The following ZNF723 variants were observed in gnomAD, a reference collection of about 807,000 sequenced individuals.
ZNF723 encodes zinc finger protein 723.
Under a neutral mutation model 9.4 loss-of-function variants are expected in ZNF723, and 5 were observed. The observed-to-expected ratio is 0.53, with a 90% CI of 0.28 to 1.12. The LOEUF (loss-of-function observed/expected upper bound fraction) is 1.12, where lower values mean the gene tolerates loss of function less well. ZNF723 is among the 50% of genes most tolerant of loss of function. The pLI is 0.10. For missense variants in ZNF723, 450 were observed against 501.5 expected (o/e 0.90, Z 0.98); for synonymous variants, 158 against 168.8 (o/e 0.94, Z 0.49).
At position 22,857,179 on chromosome 19, in the gene ZNF723, A is replaced by G; in HGVS notation, c.288A>G (p.Gln96=). The G allele has an allele frequency of 1.0e-6, 1 of 982,046 alleles. No homozygotes were observed. The highest frequency in any genetic ancestry group is 1.6e-6 in the Non-Finnish European group (1 of 642,784). The allele number at this position is 982,046 out of a possible 1,614,324, so 60.8% of individuals were successfully genotyped here. ...AGCAGGGCATAAAAGATTCTTTCCA[A>G]AAAGTAATACTGAGAAGCTATGGAA... is the stretch of plus-strand genomic sequence containing the variant. ...WPEQGIKDSF[Q]KVILRSYGKY... Residue 96 remains glutamine, a synonymous_variant, in exon 4 of 4, where the codon CAA becomes CAG. Transcript: ENST00000600766.
the ZNF723 span, among the ~76,000 whole-genome samples, chr19:22,819,058 C>T: frequency 2.2e-4 from 34 of 152,284 alleles, no homozygotes; most frequent in Admixed American, 7.9e-4. Flanking sequence ...TATGATTCTT[C>T]TTTCTAGGTC....
intron 1 of ZNF723, among the ~76,000 whole-genome samples, chr19:22,832,738 C>T (rs892218013): frequency 2.0e-5 from 3 of 152,116 alleles, no homozygotes; most frequent in African/African-American, 7.2e-5. Context: ...AGCTTTGGTC[C>T]GTGGGGTTCC....
At chr19:22,818,611 GACTGTT>G in the ZNF723 span, among the ~76,000 whole-genome samples, 1 of 152,186 alleles carries the variant, frequency 6.6e-6, no homozygotes, top group East Asian at 1.9e-4. Flanking sequence ...ACATTTGGGA[GACTGTT>G]AGTCATATCT....
the ZNF723 span, among the ~76,000 whole-genome samples, chr19:22,816,360 G>T: frequency 6.6e-6 from 1 of 152,298 alleles, no homozygotes; most frequent in South Asian, 2.1e-4. Flanking sequence ...CAGATGGGTT[G>T]GTGACTCTCA....
At chr19:22,817,259 G>A in the ZNF723 span, among the ~76,000 whole-genome samples, 28,214 of 152,082 alleles carry the variant, frequency 0.19, 3,244 homozygotes, top group African/African-American at 0.32. Context: ...CACTGGACCC[G>A]GCACCTAAGT....
rs944664442 is a variant in ZNF723 at position 22,858,568 on chromosome 19, G to C, written c.*135G>C. The C allele has an allele frequency of 3.7e-6, 2 of 536,030 alleles. No homozygotes were observed. Among genetic ancestry groups the C allele is most frequent in the Admixed American group, 6.9e-5 (2 of 29,166 alleles). 33.2% of individuals were successfully genotyped at this position (536,030 alleles called of 1,614,324 possible). A position where few individuals can be genotyped will look rare whatever the true frequency, so the allele number is the denominator to read the frequency against. ...AGATCACCTGAGGTCAGGAGTTCGA[G>C]ACCAACCTAACATGGTGAAACAACG... On this transcript the variant is annotated 3_prime_UTR_variant, in exon 4 of 4. Coordinates refer to ENST00000600766, the MANE Select transcript of ZNF723 (RefSeq NM_001349726.2).
chr19:22,858,398 C>A lies in ZNF723; in HGVS notation c.1507C>A (p.His503Asn). 1.3e-6 allele frequency: 1 copy of A among 764,876 alleles called. No individual in the cohort carries two copies. The highest frequency in any genetic ancestry group is 1.7e-5 in the South Asian group (1 of 57,278). The allele number at this position is 764,876 out of a possible 1,614,324, so 47.4% of individuals were successfully genotyped here. Residue 503 changes from histidine (H) to asparagine (N), a missense_variant, in exon 4 of 4, where the codon CAT (histidine) becomes AAT (asparagine). Around this residue, in one of 5 missense-constraint regions of ZNF723, gnomAD observed 43 missense variants for 22.2 expected, o/e 1.94. Transcript: ENST00000600766. The part of the protein sequence containing the change: ...SSILNRHKII[H>N]TKEKSQTLKM ...AATTCTTAACAGACATAAGATAATT[C>A]ATACTAAAGAGAAATCACAAACCTT...
At chr19:22,814,300 C>G in the ZNF723 span, among the ~76,000 whole-genome samples, 1 of 152,160 alleles carries the variant, frequency 6.6e-6, no homozygotes, top group Non-Finnish European at 1.5e-5. Context: ...TAGGATAGTA[C>G]AAAGAGTGAC....
At chr19:22,856,458 ATTGTC>A (rs1174830045) in intron 3 of ZNF723, among the ~76,000 whole-genome samples, 1 of 152,198 alleles carries the variant, frequency 6.6e-6, no homozygotes, top group East Asian at 1.9e-4. Context: ...TCTGAAAACA[ATTGTC>A]TTGGTTAGAG....
intron 1 of ZNF723, chr19:22,840,655 C>T (rs1460664178): frequency 6.6e-6 from 1 of 152,066 alleles, no homozygotes; most frequent in African/African-American, 2.4e-5. Context: ...TAATCTTGCT[C>T]AGATGGAGAG....
At chr19:22,828,175 A>T (rs533546606), upstream of ZNF723, among the ~76,000 whole-genome samples, 6 of 152,356 alleles carry the variant, frequency 3.9e-5, no homozygotes, top group South Asian at 1.2e-3. Context: ...AGAATGTTAA[A>T]TAGTCTCTTG....
chr19:22,844,808 T>C (rs762877237), intron 1 of ZNF723, among the ~76,000 whole-genome samples: 2 of 152,162 alleles, frequency 1.3e-5, no homozygotes, highest in Non-Finnish European at 2.9e-5. Context: ...ATCATCAGCA[T>C]TGACAGGGGA....
intron 1 of ZNF723, among the ~76,000 whole-genome samples, chr19:22,846,587 C>A (rs751317334): frequency 6.6e-6 from 1 of 152,084 alleles, no homozygotes; most frequent in Non-Finnish European, 1.5e-5. Context: ...TGCGCCACTG[C>A]CCTCCAGCCT....
At chr19:22,836,930 G>A (rs1967174876) in intron 1 of ZNF723, among the ~76,000 whole-genome samples, 1 of 152,126 alleles carries the variant, frequency 6.6e-6, no homozygotes, top group South Asian at 2.1e-4. Flanking sequence ...TGAGGTCTGT[G>A]AGTAGCTCTA....
upstream of ZNF723, chr19:22,832,281 T>A (rs1451797119): frequency 3.3e-6 from 4 of 1,202,980 alleles, no homozygotes; most frequent in Non-Finnish European, 4.7e-6. Context: ...CTTCCGGGAT[T>A]TGGCGCGGCC....
intron 3 of ZNF723, among the ~76,000 whole-genome samples, chr19:22,850,041 CT>C (rs1310897457): frequency 6.6e-6 from 1 of 151,256 alleles, no homozygotes; most frequent in Non-Finnish European, 1.5e-5. Flanking sequence ...ATAATTCATC[CT>C]GTTTTTATTA....
the ZNF723 span, among the ~76,000 whole-genome samples, chr19:22,818,328 C>T: frequency 1.3e-5 from 2 of 152,206 alleles, no homozygotes; most frequent in African/African-American, 4.8e-5. Context: ...CATCCTTCCA[C>T]ATGAATACAG....
the ZNF723 span, among the ~76,000 whole-genome samples, chr19:22,825,694 C>T: frequency 6.6e-6 from 1 of 152,378 alleles, no homozygotes; most frequent in South Asian, 2.1e-4. Context: ...TGTCTGGGCC[C>T]TGCCCACATT....
chr19:22,832,436 G>T, intron 1 of ZNF723, 54 bp downstream of exon 1: 2 of 1,354,542 alleles, frequency 1.5e-6, no homozygotes, highest in South Asian at 2.3e-5. Flanking sequence ...GTTGGAACCG[G>T]TGGGAAGTGG....
Sources: gnomAD v4.1 joint callset for allele counts (sites outside exome capture counted in the v4.1 genomes callset) on GRCh38, gnomAD v4.1.1 for gene constraint, gnomAD v4.1.1 regional missense constraint, MANE v1.5 for transcripts, NCBI Gene and HGNC (gene_info 2026-07-23, HGNC 2026-07-21) for gene names.